The following ARRB2 variants were observed in gnomAD, a reference collection of about 807,000 sequenced individuals.
The protein encoded by ARRB2 is arrestin beta 2, also known as beta-arrestin-2.
ARRB2 carries 21 observed loss-of-function variants against 53.4 expected under a neutral mutation model. That is an observed-to-expected ratio of 0.39 (90% CI 0.28 to 0.57). ARRB2 has a LOEUF of 0.57. Among genes scored for constraint, ARRB2 ranks in the 20% least tolerant of loss-of-function variants. ARRB2 has a pLI of 0.55. For synonymous variants in ARRB2, 180 were observed against 212.9 expected (o/e 0.85, Z 1.34); for missense variants, 369 against 527.5 (o/e 0.70, Z 2.94).
chr17:4,718,782 C>CA (rs555238578), intron 10 of ARRB2, 98 bp downstream of exon 10: 19 of 867,882 alleles, frequency 2.2e-5, no homozygotes, highest in Middle Eastern at 2.6e-4. Flanking sequence ...CCATCTCCAC[C>CA]TTTTTTTTTT....
Position 4,720,978 on chromosome 17 carries a change from A to G in ARRB2, c.1169A>G (p.Asp390Gly). ...YATDDDIVFE[D>G]FARLRLKGMK... The stretch of plus-strand genomic sequence containing the variant: ...ACAGATGATGACATTGTGTTTGAGG[A>G]CTTTGCCCGGCTTCGGCTGAAGGGG... The change falls in exon 15 of 15, where the codon GAC becomes GGC. Residue 390 changes from aspartate to glycine, a missense_variant. Physicochemically the swap from Asp to Gly is moderately conservative, Grantham distance 94 (BLOSUM62 -1). Coordinates refer to ENST00000269260, the MANE Select transcript of ARRB2 (RefSeq NM_004313.4). 6.2e-7 allele frequency: 1 copy of G among 1,613,948 alleles called. No individual in the cohort carries two copies. The highest frequency in any genetic ancestry group is 8.5e-7 in the Non-Finnish European group (1 of 1,179,958).
At chr17:4,719,774 G>A (rs934730842) in intron 11 of ARRB2, among the ~76,000 whole-genome samples, 1 of 152,108 alleles carries the variant, frequency 6.6e-6, no homozygotes, top group Non-Finnish European at 1.5e-5. Context: ...GGGTGTTGGA[G>A]GAATGGGGAG....
At chr17:4,711,083 G>C (rs1914349407) in intron 1 of ARRB2, among the ~76,000 whole-genome samples, 1 of 151,976 alleles carries the variant, frequency 6.6e-6, no homozygotes, top group African/African-American at 2.4e-5. Flanking sequence ...GGTCGTGTAC[G>C]GGGAGGCTGG....
intron 12 of ARRB2, 26 bp downstream of exon 12, chr17:4,720,325 G>A: frequency 6.2e-7 from 1 of 1,613,912 alleles, no homozygotes; most frequent in Non-Finnish European, 8.5e-7. Flanking sequence ...GAGCCTGGGT[G>A]GGGGTCACAC....
intron 4 of ARRB2, 63 bp downstream of exon 4, chr17:4,716,254 C>T (rs567096826): frequency 3.1e-6 from 5 of 1,611,246 alleles, no homozygotes; most frequent in Admixed American, 1.7e-5. Flanking sequence ...AATGGGCTGG[C>T]CTTGGAAGGG....
At position 4,717,542 on chromosome 17, in the gene ARRB2, G is replaced by A. The variant is rs1367859050; in HGVS notation, c.418-143G>A. The A allele has an allele frequency of 5.2e-6, 6 of 1,154,294 alleles. No homozygotes were observed. The African/African-American group carries it at 7.6e-5, about 15-fold the overall frequency. The allele number at this position is 1,154,294 out of a possible 1,614,324, so 71.5% of individuals were successfully genotyped here. ...CCTCTGCCAGGTTCTGGGCTTTGGA[G>A]AGGAAGAAGACTTAGTCCCCAGGGT... On this transcript the variant is annotated intron_variant, in intron 6 of 14. Coordinates refer to ENST00000269260, the MANE Select transcript of ARRB2 (RefSeq NM_004313.4). The surrounding 1 kb of genome is among the most constrained non-coding windows in gnomAD (Gnocchi z 6.0).
Position 4,720,593 on chromosome 17 carries a change from G to T in ARRB2, c.1089G>T (p.Pro363=), listed in dbSNP as rs770296350. The T allele has an allele frequency of 6.5e-7, 1 of 1,538,356 alleles. No homozygotes were observed. Among genetic ancestry groups the T allele is most frequent in the Non-Finnish European group, 8.8e-7 (1 of 1,141,938 alleles). ...IPLPRPQSAA[P]ETDVPVDTNL... is the part of the protein sequence containing the mutation. ...CTCTTCCCGTCCCCCCAGCCGCTCC[G>T]GAGACAGATGTCCCTGTGGACACCA... Residue 363 remains proline (P), a synonymous_variant, in exon 14 of 15, where the codon CCG becomes CCT. Transcript: ENST00000269260.
intron 10 of ARRB2, among the ~76,000 whole-genome samples, chr17:4,719,019 C>G (rs1364172167): frequency 6.6e-6 from 1 of 152,190 alleles, no homozygotes; most frequent in Non-Finnish European, 1.5e-5. Flanking sequence ...AGTGACCCAC[C>G]CGTCGCGGCC....
chr17:4,715,996 G>A lies in ARRB2; in HGVS notation c.78G>A (p.Arg26=). The A allele has an allele frequency of 6.2e-7, 1 of 1,614,154 alleles. No homozygotes were observed. The highest frequency in any genetic ancestry group is 8.5e-7 in the Non-Finnish European group (1 of 1,180,024). Residue 26 remains arginine, a synonymous_variant, in exon 3 of 15, where the codon CGG becomes CGA. Transcript: ENST00000269260. ...NCKLTVYLGK[R]DFVDHLDKVD... ...AGCTCACCGTGTACTTGGGCAAGCG[G>A]GACTTCGTAGATCACCTGGACAAAG...
chr17:4,711,826 A>G (rs1322003529), intron 1 of ARRB2, among the ~76,000 whole-genome samples: 1 of 152,146 alleles, frequency 6.6e-6, no homozygotes, highest in Non-Finnish European at 1.5e-5. Context: ...AACTTGGCAC[A>G]ATTTCCCTCA....
At position 4,717,349 on chromosome 17, in the gene ARRB2, C is replaced by G; in HGVS notation, c.417+73C>G. On this transcript the variant is annotated intron_variant, in intron 6 of 14. Transcript: ENST00000269260. This position sits in a 1 kb window ranked among gnomAD's most constrained non-coding sequence, Gnocchi z 6.0. Reference sequence around the variant, plus strand: ...GCAGGAGCCTGGAGGCACAGCTGAGCCAGAGGGTGAACTGTCGAGATGCCA... The same window carrying G: ...GCAGGAGCCTGGAGGCACAGCTGAGGCAGAGGGTGAACTGTCGAGATGCCA... The G allele has an allele frequency of 6.4e-7, 1 of 1,557,068 alleles. No individual in the cohort carries two copies. Among genetic ancestry groups the G allele is most frequent in the Non-Finnish European group, 8.9e-7 (1 of 1,128,570 alleles).
chr17:4,719,639 T>C (rs764840196), intron 11 of ARRB2, among the ~76,000 whole-genome samples: 1 of 151,186 alleles, frequency 6.6e-6, no homozygotes, highest in Non-Finnish European at 1.5e-5. Flanking sequence ...AAGGAAGGGA[T>C]GGGGGGCAGT....
Position 4,717,830 on chromosome 17 carries a change from G to T in ARRB2, c.486-58G>T, listed in dbSNP as rs1396486713. 1.2e-6 allele frequency: 2 copies of T among 1,612,424 alleles called. No individual in the cohort carries two copies. Among genetic ancestry groups the T allele is most frequent in the South Asian group, 1.1e-5 (1 of 91,056 alleles). ...CCAGGAGCCCAGGCCCCGTGCGGGG[G>T]AGGAGTAGGGTTGGGGTGTGTGAGG... is the stretch of plus-strand genomic sequence containing the variant. On this transcript the variant is annotated intron_variant, in intron 7 of 14. Coordinates refer to ENST00000269260, the MANE Select transcript of ARRB2 (RefSeq NM_004313.4). The surrounding 1 kb of genome is among the most constrained non-coding windows in gnomAD (Gnocchi z 6.0).
chr17:4,720,570 C>T lies in ARRB2; in HGVS notation c.1082-16C>T. ...TCCAGCACCCACCCCCACACCCCCT[C>T]TTCCCGTCCCCCCAGCCGCTCCGGA... is the stretch of plus-strand genomic sequence containing the variant. On this transcript the variant is annotated splice_polypyrimidine_tract_variant and intron_variant, in intron 13 of 14. Transcript: ENST00000269260. 6.3e-7 allele frequency: 1 copy of T among 1,577,652 alleles called. No individual in the cohort carries two copies. Among genetic ancestry groups the T allele is most frequent in the Non-Finnish European group, 8.6e-7 (1 of 1,164,596 alleles).
At chr17:4,720,139 G>A in intron 11 of ARRB2, 77 bp from the exon 12 acceptor site, 1 of 1,461,590 alleles carries the variant, frequency 6.8e-7, no homozygotes, top group Non-Finnish European at 9.4e-7. Context: ...CCTGCCCAGA[G>A]TCCCCGTGGG....
chr17:4,719,871 C>T (rs1381077537), intron 11 of ARRB2, among the ~76,000 whole-genome samples: 1 of 152,128 alleles, frequency 6.6e-6, no homozygotes, highest in African/African-American at 2.4e-5. Context: ...TGCCTTTGTT[C>T]AGGGTTCTCA....
chr17:4,712,713 A>G (rs953499644), intron 1 of ARRB2, among the ~76,000 whole-genome samples: 1 of 152,240 alleles, frequency 6.6e-6, no homozygotes, highest in African/African-American at 2.4e-5. Flanking sequence ...CCTCCCAGCA[A>G]TGGGTGGAGT....
In ARRB2 at chr17:4,718,719, G is replaced by C. The variant is rs753429873; in HGVS notation, c.779+35G>C. The C allele has an allele frequency of 1.9e-6, 3 of 1,593,106 alleles. No individual in the cohort carries two copies. The Admixed American group carries it at 5.1e-5, about 27-fold the overall frequency. On this transcript the variant is annotated intron_variant, in intron 10 of 14. Transcript: ENST00000269260. Reference sequence around the variant, plus strand: ...GGGAGAGACCCATGTTCCAATCTAGGGGAGAAGAGCAGGATCAGGAGAATG... The same window carrying C: ...GGGAGAGACCCATGTTCCAATCTAGCGGAGAAGAGCAGGATCAGGAGAATG...
At chr17:4,713,806 A>AG (rs144149437) in intron 1 of ARRB2, among the ~76,000 whole-genome samples, 42 of 148,342 alleles carry the variant, frequency 2.8e-4, no homozygotes, top group Non-Finnish European at 5.2e-4. Flanking sequence ...AAAAAAAAAA[A>AG]TACAAAACAT....
Sources: allele counts gnomAD v4.1 joint callset (sites outside exome capture counted in the v4.1 genomes callset), GRCh38; gene constraint gnomAD v4.1.1; non-coding constraint Gnocchi (gnomAD v3.1); transcripts MANE v1.5; gene names NCBI Gene and HGNC (gene_info 2026-07-23, HGNC 2026-07-21).